Variants in SYT6 observed in about 807,000 individuals in gnomAD.
The protein encoded by SYT6 is synaptotagmin 6.
SYT6 carries 24 observed loss-of-function variants against 38.4 expected under a neutral mutation model. That is an observed-to-expected ratio of 0.62 (90% CI 0.45 to 0.88). SYT6 has a LOEUF of 0.88. Among genes scored for constraint, SYT6 ranks in the 40% least tolerant of loss-of-function variants. The pLI is 0.00. For missense variants in SYT6, 611 were observed against 621.0 expected, an observed-to-expected ratio of 0.98 and a Z score of 0.17; for synonymous variants, 265 against 241.9, an observed-to-expected ratio of 1.10 and a Z score of -0.89.
chr1:114,107,635 A>T (rs1676406168), intron 3 of SYT6, among the ~76,000 whole-genome samples: 1 of 152,052 alleles, frequency 6.6e-6, no homozygotes, highest in Non-Finnish European at 1.5e-5. Context: ...TAATAAAGGA[A>T]ATTAAACAGG....
chr1:114,119,922 T>G (rs1677280074), intron 3 of SYT6, among the ~76,000 whole-genome samples: 1 of 151,844 alleles, frequency 6.6e-6, no homozygotes, highest in Non-Finnish European at 1.5e-5. Context: ...ATACAAAAAA[T>G]TAGCCAGGCA....
At chr1:114,101,737 G>A (rs547311899) in intron 4 of SYT6, among the ~76,000 whole-genome samples, 4 of 152,312 alleles carry the variant, frequency 2.6e-5, no homozygotes, top group South Asian at 4.1e-4. Flanking sequence ...GATCTAGTTC[G>A]AGAGGCTCCT....
chr1:114,095,605 GCTTATCCCCT>G (rs1675585364), intron 6 of SYT6, among the ~76,000 whole-genome samples: 1 of 152,152 alleles, frequency 6.6e-6, no homozygotes, highest in Non-Finnish European at 1.5e-5. Flanking sequence ...GATGGGAAGG[GCTTATCCCCT>G]CATTTTACCA....
intron 3 of SYT6, among the ~76,000 whole-genome samples, chr1:114,105,544 G>C (rs542457305): frequency 6.6e-6 from 1 of 151,908 alleles, no homozygotes; most frequent in Non-Finnish European, 1.5e-5. Flanking sequence ...GGGGCACACT[G>C]TGGAGACAGC....
At chr1:114,139,253 C>T (rs1391066189) in intron 2 of SYT6, among the ~76,000 whole-genome samples, 1 of 152,164 alleles carries the variant, frequency 6.6e-6, no homozygotes, top group Admixed American at 6.5e-5. Context: ...TATCCCTAAA[C>T]ACACCATGAA....
intron 3 of SYT6, among the ~76,000 whole-genome samples, chr1:114,119,659 C>G (rs1557747892): frequency 6.6e-6 from 1 of 152,194 alleles, no homozygotes; most frequent in Admixed American, 6.5e-5. Flanking sequence ...GCCACCATGC[C>G]AAGCCAGCTT....
intron 3 of SYT6, among the ~76,000 whole-genome samples, chr1:114,137,126 C>T (rs1413044138): frequency 6.6e-6 from 1 of 152,218 alleles, no homozygotes; most frequent in Non-Finnish European, 1.5e-5. Context: ...CCACAAAATC[C>T]TCGGACTGTT....
At chr1:114,138,862 G>C (rs372310493) in intron 2 of SYT6, among the ~76,000 whole-genome samples, 12 of 152,306 alleles carry the variant, frequency 7.9e-5, no homozygotes, top group East Asian at 3.9e-4. Flanking sequence ...ATGACAGACT[G>C]TCAGTGTGAC....
intron 1 of SYT6, among the ~76,000 whole-genome samples, chr1:114,140,487 A>G (rs1229408323): frequency 6.6e-6 from 1 of 152,028 alleles, no homozygotes; most frequent in Non-Finnish European, 1.5e-5. Context: ...TTTCTTCTTT[A>G]TCCCATCCCC....
At chr1:114,112,110 G>A (rs981755860) in intron 3 of SYT6, among the ~76,000 whole-genome samples, 1 of 152,212 alleles carries the variant, frequency 6.6e-6, no homozygotes, top group Non-Finnish European at 1.5e-5. Context: ...TCTGCCCCAA[G>A]GGCCTTGCAG....
rs559743141 is a variant in SYT6 at position 114,130,316 on chromosome 1, C to T, written c.1071+7179G>A. ...ACAAGAGCAGGGACTTTGTTGACTGCTGCATCCTCAGCATCTAGGACCATG... is the reference window on the plus strand; with the variant it reads ...ACAAGAGCAGGGACTTTGTTGACTGTTGCATCCTCAGCATCTAGGACCATG... On this transcript the variant is annotated intron_variant, in intron 3 of 7. Coordinates refer to ENST00000610222, the MANE Select transcript of SYT6 (RefSeq NM_001253772.2). Among the ~76,000 whole-genome samples, 8 of 152,372 alleles carry T rather than the reference C, an allele frequency of 5.3e-5. No individual in the cohort carries two copies. In the South Asian group the frequency reaches 1.0e-3, roughly 20 times the overall value.
chr1:114,150,336 C>G (rs1467978202), intron 1 of SYT6, among the ~76,000 whole-genome samples: 1 of 152,170 alleles, frequency 6.6e-6, no homozygotes, highest in Non-Finnish European at 1.5e-5. Flanking sequence ...AGATACTGGA[C>G]CCTGCTTCTA....
In SYT6 at chr1:114,153,662, A is replaced by C; in HGVS notation, c.111T>G (p.Cys37Trp). ...PPPLGLDVETCRSFELQPPER... is the reference protein window; with the variant it reads ...PPPLGLDVETWRSFELQPPER... ...CTGGGGGCTGCAGCTCGAAGCTCCGACAAGTCTCCACGTCCAGCCCGAGAG... is the reference window on the plus strand; with the variant it reads ...CTGGGGGCTGCAGCTCGAAGCTCCGCCAAGTCTCCACGTCCAGCCCGAGAG... Residue 37 changes from cysteine (C) to tryptophan (W), a missense_variant, in exon 1 of 8, where the codon TGT becomes TGG. Coordinates refer to ENST00000610222, the MANE Select transcript of SYT6 (RefSeq NM_001253772.2). The C allele has an allele frequency of 1.5e-6, 1 of 662,820 alleles. No homozygotes were observed. Among genetic ancestry groups the C allele is most frequent in the Non-Finnish European group, 2.7e-6 (1 of 363,786 alleles). 41.1% of individuals were successfully genotyped at this position (662,820 alleles called of 1,614,324 possible).
At position 114,137,559 on chromosome 1, in the gene SYT6, A is replaced by T. The variant is rs1321168305; in HGVS notation, c.1007T>A (p.Leu336His). 3 of 1,614,060 alleles carry T rather than the reference A, an allele frequency of 1.9e-6. No homozygotes were observed. Among genetic ancestry groups the T allele is most frequent in the Non-Finnish European group, 2.5e-6 (3 of 1,180,038 alleles). The change falls in exon 3 of 8, where the codon CTC (leucine) becomes CAC (histidine). Residue 336 changes from leucine to histidine, a missense_variant. Leu to His is a moderately conservative substitution (Grantham distance 99). Coordinates refer to ENST00000610222, the MANE Select transcript of SYT6 (RefSeq NM_001253772.2). Reference sequence around the variant, plus strand: ...CCGAGACAGGTCAGAGGCCTCAAAGAGGTTGTCCAGGATGACCTCGCCAAT... The same window carrying T: ...CCGAGACAGGTCAGAGGCCTCAAAGTGGTTGTCCAGGATGACCTCGCCAAT... ...DMIGEVILDNLFEASDLSRET... is the reference protein window; with the variant it reads ...DMIGEVILDNHFEASDLSRET...
At position 114,143,129 on chromosome 1, in the gene SYT6, CACATATATGTATATAT is replaced by C. The variant is rs895448245; in HGVS notation, c.164-3182_164-3167del. The stretch of plus-strand genomic sequence containing the variant: ...TATACTGTGTGTATATGTATATATT[CACATATATGTATATAT>C]ACATATATGTATATACTGTATACAC... On this transcript the variant is annotated intron_variant, in intron 1 of 7. Transcript: ENST00000610222. Among the ~76,000 whole-genome samples the C allele has an allele frequency of 9.2e-5, 13 of 141,228 alleles. No individual in the cohort carries two copies. The East Asian group carries it at 9.9e-4, about 11-fold the overall frequency. The allele number at this position is 141,228 out of a possible 152,430, so 92.7% of individuals were successfully genotyped here. A position where few individuals can be genotyped will look rare whatever the true frequency, so the allele number is the denominator to read the frequency against.
intron 3 of SYT6, 114 bp downstream of exon 3, chr1:114,137,381 A>G (rs1362217991): frequency 7.9e-6 from 10 of 1,268,480 alleles, no homozygotes; most frequent in Admixed American, 2.4e-5. Flanking sequence ...GTCCCTCTTC[A>G]CATCCCAAAT....
At chr1:114,123,438 T>C (rs1182036748) in intron 3 of SYT6, among the ~76,000 whole-genome samples, 1 of 151,984 alleles carries the variant, frequency 6.6e-6, no homozygotes, top group Non-Finnish European at 1.5e-5. Flanking sequence ...GGTGCAGGGG[T>C]GGCTCAAGGG....
chr1:114,121,789 A>G (rs765245520), intron 3 of SYT6, among the ~76,000 whole-genome samples: 1 of 152,204 alleles, frequency 6.6e-6, no homozygotes, highest in East Asian at 1.9e-4. Context: ...GTTAAATGAG[A>G]ACACGTCTTT....
chr1:114,099,786 CA>C (rs545718837), intron 4 of SYT6, among the ~76,000 whole-genome samples: 89 of 152,224 alleles, frequency 5.8e-4, no homozygotes, highest in Admixed American at 2.6e-3. Context: ...GTGAAATGAA[CA>C]GCAACAATCA....
Sources: gnomAD v4.1 joint callset for allele counts (sites outside exome capture counted in the v4.1 genomes callset) on GRCh38, gnomAD v4.1.1 for gene constraint, MANE v1.5 for transcripts, NCBI Gene and HGNC (gene_info 2026-07-23, HGNC 2026-07-21) for gene names.